GRM7: variants seen among roughly 807,000 people sequenced by gnomAD.
GRM7 encodes glutamate metabotropic receptor 7.
GRM7 carries 35 observed loss-of-function variants against 84.5 expected under a neutral mutation model. The ratio of observed to expected loss-of-function variants is 0.41; its 90% confidence interval spans 0.32 to 0.55. The LOEUF is 0.55. Ranked by LOEUF, GRM7 falls within the 20% of genes least tolerant of loss-of-function variation. The pLI, the probability that GRM7 is intolerant of heterozygous loss-of-function variation, is 0.19. For missense variants in GRM7, 1,003 were observed against 1,194.6 expected (o/e 0.84, Z 2.36); for synonymous variants, 487 against 455.1 (o/e 1.07, Z -0.89).
At position 7,359,086 on chromosome 3, in the gene GRM7, T is replaced by C. The variant is rs1042230516; in HGVS notation, c.1033+52434T>C. On this transcript the variant is annotated intron_variant, in intron 4 of 9. Transcript: ENST00000357716. ...GAGATCATGCCACTGCACTCCAGCC[T>C]GAGTGATAGAGTGAGATTCCATCTC... Among the ~76,000 whole-genome samples the C allele has an allele frequency of 2.9e-5, 4 of 136,856 alleles. No individual in the cohort carries two copies. The Admixed American group carries it at 3.1e-4, about 11-fold the overall frequency. The allele number at this position is 136,856 out of a possible 152,430, so 89.8% of individuals were successfully genotyped here.
At chr3:7,726,936 T>C (rs1702152763) in intron 9 of GRM7, among the ~76,000 whole-genome samples, 1 of 151,904 alleles carries the variant, frequency 6.6e-6, no homozygotes, top group African/African-American at 2.4e-5. Context: ...TCTCCGGTAA[T>C]CTAAAACAGT....
intron 8 of GRM7, chr3:7,608,224 T>G (rs2125076952): frequency 6.5e-6 from 1 of 153,646 alleles, no homozygotes; most frequent in Non-Finnish European, 1.5e-5. Flanking sequence ...GTAAAATGAT[T>G]TATATTCCTC....
At chr3:6,934,860 A>G (rs1238883100) in intron 1 of GRM7, among the ~76,000 whole-genome samples, 2 of 152,014 alleles carry the variant, frequency 1.3e-5, no homozygotes, top group Non-Finnish European at 2.9e-5. Flanking sequence ...ATGCCCTGAG[A>G]AAAAAAAGAA....
At chr3:7,242,584 T>G (rs993845099) in intron 2 of GRM7, among the ~76,000 whole-genome samples, 1 of 152,214 alleles carries the variant, frequency 6.6e-6, no homozygotes, top group Non-Finnish European at 1.5e-5. Context: ...AGTCAAGTGA[T>G]GAAGACTTTA....
intron 9 of GRM7, chr3:7,686,370 A>G (rs373954225): frequency 7.0e-7 from 1 of 1,431,364 alleles, no homozygotes; most frequent in Non-Finnish European, 9.9e-7. Flanking sequence ...GTATACCACC[A>G]GTAAGAAAGA....
intron 2 of GRM7, among the ~76,000 whole-genome samples, chr3:7,228,485 C>A (rs989129303): frequency 3.9e-5 from 6 of 152,144 alleles, no homozygotes; most frequent in Admixed American, 3.9e-4. Flanking sequence ...GCTCTTGGGT[C>A]CTGGCTTAAG....
At chr3:7,359,227 TG>T in intron 4 of GRM7, among the ~76,000 whole-genome samples, 1 of 138,882 alleles carries the variant, frequency 7.2e-6, no homozygotes, top group African/African-American at 3.0e-5. Flanking sequence ...TGTTTGTGTG[TG>T]TGTGTGTGTG....
intron 9 of GRM7, among the ~76,000 whole-genome samples, chr3:7,740,057 G>A (rs1321533811): frequency 6.6e-6 from 1 of 152,136 alleles, no homozygotes; most frequent in African/African-American, 2.4e-5. Context: ...AACCCTTTAA[G>A]TTAAGGGTTG....
intron 1 of GRM7, among the ~76,000 whole-genome samples, chr3:6,901,636 A>AAAAAAAAT (rs1559317776): frequency 3.6e-5 from 5 of 140,372 alleles, no homozygotes; most frequent in African/African-American, 1.2e-4. Flanking sequence ...AAAAAAAAAA[A>AAAAAAAAT]ATATGTAGAA....
intron 4 of GRM7, among the ~76,000 whole-genome samples, chr3:7,315,584 AACAG>A (rs1327501077): frequency 6.6e-6 from 1 of 152,208 alleles, no homozygotes; most frequent in Admixed American, 6.5e-5. Context: ...GACAAATTAG[AACAG>A]ACAAATACAA....
At chr3:7,013,212 A>G (rs1695445082) in intron 1 of GRM7, among the ~76,000 whole-genome samples, 1 of 152,126 alleles carries the variant, frequency 6.6e-6, no homozygotes, top group Non-Finnish European at 1.5e-5. Context: ...GACATGTCAA[A>G]ATTATATTGC....
chr3:7,504,854 A>G (rs1008136105), intron 7 of GRM7, among the ~76,000 whole-genome samples: 1 of 152,184 alleles, frequency 6.6e-6, no homozygotes, highest in Admixed American at 6.5e-5. Context: ...CATGCAAAAT[A>G]ATTAATTCCA....
chr3:6,943,643 T>G (rs189418031), intron 1 of GRM7, among the ~76,000 whole-genome samples: 11 of 152,164 alleles, frequency 7.2e-5, no homozygotes, highest in Admixed American at 6.5e-4. Flanking sequence ...TTTAGCTTTG[T>G]TCTTTAAGGT....
chr3:7,469,323 G>A (rs980656518), intron 7 of GRM7, among the ~76,000 whole-genome samples: 1 of 152,184 alleles, frequency 6.6e-6, no homozygotes, highest in African/African-American at 2.4e-5. Flanking sequence ...TGTTCCAAGT[G>A]CAAAGTTAGA....
intron 8 of GRM7, among the ~76,000 whole-genome samples, chr3:7,593,896 C>T (rs1695913608): frequency 6.6e-6 from 1 of 151,864 alleles, no homozygotes; most frequent in African/African-American, 2.4e-5. Context: ...AGCACCTGCA[C>T]ATTTGATAGA....
At chr3:6,901,904 G>A (rs143790865) in intron 1 of GRM7, among the ~76,000 whole-genome samples, 193 of 151,790 alleles carry the variant, frequency 1.3e-3, no homozygotes, top group African/African-American at 4.4e-3. Flanking sequence ...TCTATTTGTT[G>A]AACTCTCCTT....
chr3:7,728,204 A>G (rs1559508666), intron 9 of GRM7, among the ~76,000 whole-genome samples: 1 of 152,176 alleles, frequency 6.6e-6, no homozygotes, highest in African/African-American at 2.4e-5. Context: ...TTGTTCCCAG[A>G]CCGAACCGGG....
chr3:7,490,608 G>A (rs190280414), intron 7 of GRM7, among the ~76,000 whole-genome samples: 354 of 152,180 alleles, frequency 2.3e-3, no homozygotes, highest in Non-Finnish European at 3.5e-3. Flanking sequence ...AGTGCCCCTC[G>A]ATATAAAAGA....
intron 7 of GRM7, among the ~76,000 whole-genome samples, chr3:7,529,503 A>G (rs1341295114): frequency 6.6e-6 from 1 of 152,132 alleles, no homozygotes; most frequent in Non-Finnish European, 1.5e-5. Context: ...GAGAGTCTTA[A>G]GAGTAGAACT....
Sources: gnomAD v4.1 joint callset for allele counts (sites outside exome capture counted in the v4.1 genomes callset) on GRCh38, gnomAD v4.1.1 for gene constraint, MANE v1.5 for transcripts, NCBI Gene and HGNC (gene_info 2026-07-23, HGNC 2026-07-21) for gene names.